Variants in WDR48 observed in about 807,000 individuals in gnomAD.
The protein encoded by WDR48 is WD repeat domain 48.
WDR48 carries 22 observed loss-of-function variants against 94.0 expected under a neutral mutation model. That is an observed-to-expected ratio of 0.23 (90% CI 0.17 to 0.33). The LOEUF (loss-of-function observed/expected upper bound fraction) is 0.33. Among genes scored for constraint, WDR48 ranks in the 10% least tolerant of loss-of-function variants. The pLI is 1.00. For missense variants in WDR48, 541 were observed against 813.8 expected, an observed-to-expected ratio of 0.66 and a Z score of 4.08; for synonymous variants, 278 against 280.5, an observed-to-expected ratio of 0.99 and a Z score of 0.09.
At chr3:39,053,951 T>G (rs1482247564) in intron 1 of WDR48, among the ~76,000 whole-genome samples, 3 of 152,182 alleles carry the variant, frequency 2.0e-5, no homozygotes, top group Non-Finnish European at 4.4e-5. Flanking sequence ...TTGTTCTTCA[T>G]AGGTAGCAAT....
chr3:39,075,012 G>C, intron 8 of WDR48, 62 bp downstream of exon 8: 1 of 1,498,356 alleles, frequency 6.7e-7, no homozygotes, highest in Non-Finnish European at 9.1e-7. Context: ...TAGCCAAATA[G>C]AGCAAAAGCT....
At chr3:39,072,865 G>A (rs2034015213) in intron 7 of WDR48, among the ~76,000 whole-genome samples, 1 of 152,238 alleles carries the variant, frequency 6.6e-6, no homozygotes, top group African/African-American at 2.4e-5. Context: ...CTTTTAAAGT[G>A]GTTGCTTTGT....
At chr3:39,071,506 T>C (rs1459138069) in intron 7 of WDR48, among the ~76,000 whole-genome samples, 1 of 152,202 alleles carries the variant, frequency 6.6e-6, no homozygotes, top group Non-Finnish European at 1.5e-5. Context: ...CTTCTAAAGC[T>C]CTACCTGTCT....
At chr3:39,093,076 G>A (rs75040630) in intron 17 of WDR48, among the ~76,000 whole-genome samples, 5,420 of 152,250 alleles carry the variant, frequency 0.036, 307 homozygotes, top group African/African-American at 0.12. Context: ...CAGAGTTTGA[G>A]GTGCCTGTAG....
At chr3:39,090,621 G>C (rs2035031035) in intron 16 of WDR48, 1 of 152,040 alleles carries the variant, frequency 6.6e-6, no homozygotes, top group South Asian at 2.1e-4. Context: ...TTTCCAAAGG[G>C]ACAGCTAGTG....
chr3:39,095,619 A>T lies in WDR48; in HGVS notation c.*876A>T, dbSNP rs1225691344. 2.6e-5 allele frequency: 4 copies of T among 152,272 alleles called. No homozygotes were observed. The highest frequency in any genetic ancestry group is 5.9e-5 in the Non-Finnish European group (4 of 68,048). The allele number at this position is 152,272 out of a possible 1,614,324, so 9.4% of individuals were successfully genotyped here. A position where few individuals can be genotyped will look rare whatever the true frequency, so the allele number is the denominator to read the frequency against. ...CATGATGAAATTTCAGTTTCATTCAAATGTTACCTAAAATTTATGGTGTCA... is the reference window on the plus strand; with the variant it reads ...CATGATGAAATTTCAGTTTCATTCATATGTTACCTAAAATTTATGGTGTCA... On this transcript the variant is annotated 3_prime_UTR_variant, in exon 19 of 19. Coordinates refer to ENST00000302313, the MANE Select transcript of WDR48 (RefSeq NM_020839.4).
chr3:39,087,698 A>G (rs1183742940), intron 14 of WDR48: 3 of 160,240 alleles, frequency 1.9e-5, no homozygotes, highest in African/African-American at 4.8e-5. Flanking sequence ...ATTTTTTCAC[A>G]AATGCTTCTG....
intron 7 of WDR48, among the ~76,000 whole-genome samples, chr3:39,070,684 G>C (rs2033873244): frequency 7.2e-6 from 1 of 138,836 alleles, no homozygotes; most frequent in South Asian, 2.2e-4. Flanking sequence ...AGATGTGAAG[G>C]ATCTTTTTTT....
chr3:39,068,937 AT>A, intron 6 of WDR48, 78 bp downstream of exon 6: 1 of 1,109,896 alleles, frequency 9.0e-7, no homozygotes, highest in Non-Finnish European at 1.3e-6. Flanking sequence ...TTAAGCAGGT[AT>A]TTTACGATTA....
chr3:39,078,010 T>C, intron 9 of WDR48, 127 bp from the exon 10 acceptor site: 1 of 629,398 alleles, frequency 1.6e-6, no homozygotes, highest in Admixed American at 3.1e-5. Flanking sequence ...CAAATATTTT[T>C]CGGTTGATGT....
chr3:39,072,516 G>A (rs2033996746), intron 7 of WDR48, among the ~76,000 whole-genome samples: 1 of 152,114 alleles, frequency 6.6e-6, no homozygotes, highest in African/African-American at 2.4e-5. Flanking sequence ...TGACCATCCC[G>A]GGAACACTCC....
intron 17 of WDR48, among the ~76,000 whole-genome samples, chr3:39,093,327 A>G (rs2035183272): frequency 6.6e-6 from 1 of 152,206 alleles, no homozygotes; most frequent in Non-Finnish European, 1.5e-5. Flanking sequence ...ATTCAAGGGA[A>G]TAAAACCCAG....
chr3:39,064,644 G>T (rs2033486421), intron 2 of WDR48, among the ~76,000 whole-genome samples: 1 of 152,152 alleles, frequency 6.6e-6, no homozygotes, highest in Admixed American at 6.5e-5. Context: ...AAGTGACAGA[G>T]AATTAGTACC....
At chr3:39,073,163 A>G (rs868739661) in intron 7 of WDR48, among the ~76,000 whole-genome samples, 2 of 152,174 alleles carry the variant, frequency 1.3e-5, no homozygotes, top group South Asian at 2.1e-4. Flanking sequence ...CCTCAGAATA[A>G]CACCTCTTCC....
At chr3:39,052,275 C>A in intron 1 of WDR48, 1 of 598,426 alleles carries the variant, frequency 1.7e-6, no homozygotes, top group Non-Finnish European at 2.9e-6. Context: ...CCCTTGGGGC[C>A]CAGGCCCGGG....
At chr3:39,061,167 G>A (rs2033237761) in intron 1 of WDR48, among the ~76,000 whole-genome samples, 1 of 152,096 alleles carries the variant, frequency 6.6e-6, no homozygotes, top group Non-Finnish European at 1.5e-5. Flanking sequence ...TGTTACATAA[G>A]TATACATGTG....
At chr3:39,052,426 G>A (rs912443974) in intron 1 of WDR48, 20 of 234,798 alleles carry the variant, frequency 8.5e-5, no homozygotes, top group Non-Finnish European at 1.4e-4. Context: ...CTCTGCCCTC[G>A]CTGCGTCGGA....
chr3:39,061,379 T>C (rs1456544638), intron 1 of WDR48, among the ~76,000 whole-genome samples: 2 of 152,110 alleles, frequency 1.3e-5, no homozygotes, highest in Non-Finnish European at 2.9e-5. Context: ...GATAGTTTGC[T>C]GAGAATGATG....
chr3:39,094,914 C>T lies in WDR48; in HGVS notation c.*171C>T, dbSNP rs1039981345. The T allele has an allele frequency of 9.3e-6, 8 of 859,930 alleles. No individual in the cohort carries two copies. The highest frequency in any genetic ancestry group is 3.5e-4 in the Middle Eastern group (1 of 2,818). 53.3% of individuals were successfully genotyped at this position (859,930 alleles called of 1,614,324 possible). ...ACTAATCGAGATGTAATATAGAAAC[C>T]AGTCTCCATGTGTAGATTAAGCTGT... On this transcript the variant is annotated 3_prime_UTR_variant, in exon 19 of 19. Transcript: ENST00000302313.
Sources: gnomAD v4.1 joint callset for allele counts (sites outside exome capture counted in the v4.1 genomes callset) on GRCh38, gnomAD v4.1.1 for gene constraint, MANE v1.5 for transcripts, NCBI Gene and HGNC (gene_info 2026-07-23, HGNC 2026-07-21) for gene names.